The following TMPRSS4 variants were observed in gnomAD, a reference collection of about 807,000 sequenced individuals.
TMPRSS4 encodes the protein transmembrane serine protease 4, also known as transmembrane protease serine 4.
Under a neutral mutation model 56.4 loss-of-function variants are expected in TMPRSS4, and 45 were observed. The ratio of observed to expected loss-of-function variants is 0.80; its 90% confidence interval spans 0.63 to 1.02. The LOEUF is 1.02. TMPRSS4 is among the 50% of genes least tolerant of loss of function. The probability of loss-of-function intolerance (pLI) is 0.00; values close to 1 mark genes in which losing one functional copy is unlikely to be tolerated. For synonymous variants in TMPRSS4, 205 were observed against 211.0 expected (o/e 0.97, Z 0.25); for missense variants, 546 against 556.7 (o/e 0.98, Z 0.19).
intron 1 of TMPRSS4, among the ~76,000 whole-genome samples, chr11:118,082,946 C>A (rs1007303438): frequency 6.6e-6 from 1 of 152,178 alleles, no homozygotes; most frequent in African/African-American, 2.4e-5. Flanking sequence ...TTTAGCTCCA[C>A]TGAAATCAAA....
intron 9 of TMPRSS4, 70 bp from the exon 10 acceptor site, chr11:118,114,759 A>G: frequency 7.1e-7 from 1 of 1,418,248 alleles, no homozygotes; most frequent in Non-Finnish European, 9.7e-7. Flanking sequence ...ATCATAAAGC[A>G]TCATAATTTA....
At chr11:118,085,517 A>G (rs886977055) in intron 1 of TMPRSS4, among the ~76,000 whole-genome samples, 1 of 152,122 alleles carries the variant, frequency 6.6e-6, no homozygotes, top group Non-Finnish European at 1.5e-5. Flanking sequence ...TTAAAGTTTA[A>G]AGGACAACTC....
At chr11:118,090,613 C>CA (rs1945871138) in intron 1 of TMPRSS4, among the ~76,000 whole-genome samples, 9 of 17,016 alleles carry the variant, frequency 5.3e-4, no homozygotes, top group African/African-American at 7.6e-4. Context: ...CTCATCTCTA[C>CA]GAAAAAAAAA....
chr11:118,085,501 TCCCTC>T (rs903925787), intron 1 of TMPRSS4, among the ~76,000 whole-genome samples: 1 of 152,076 alleles, frequency 6.6e-6, no homozygotes, highest in African/African-American at 2.4e-5. Context: ...GCCATTTCCC[TCCCTC>T]TTAAAGTTTA....
chr11:118,105,853 A>G (rs10790233), intron 5 of TMPRSS4: 111,268 of 152,162 alleles, frequency 0.73, 42,033 homozygotes, highest in East Asian at 0.94. Context: ...GATCCCTAAT[A>G]CAGCCTCAAA....
intron 9 of TMPRSS4, 57 bp from the exon 10 acceptor site, chr11:118,114,772 G>A: frequency 6.7e-7 from 1 of 1,491,686 alleles, no homozygotes; most frequent in Non-Finnish European, 9.2e-7. Flanking sequence ...ATAATTTACA[G>A]AAAATTAACA....
chr11:118,100,998 T>G (rs1353808170), intron 3 of TMPRSS4, among the ~76,000 whole-genome samples: 1 of 152,198 alleles, frequency 6.6e-6, no homozygotes. Flanking sequence ...GGAGTGACTC[T>G]GCCTTACCCT....
At chr11:118,112,689 G>A (rs561945723) in intron 8 of TMPRSS4, among the ~76,000 whole-genome samples, 25 of 152,036 alleles carry the variant, frequency 1.6e-4, no homozygotes, top group Middle Eastern at 3.4e-3. Context: ...CAGGGCATCC[G>A]GCTTTTATTT....
chr11:118,112,967 G>A (rs956389348), intron 8 of TMPRSS4, among the ~76,000 whole-genome samples: 2 of 151,912 alleles, frequency 1.3e-5, no homozygotes, highest in African/African-American at 4.8e-5. Flanking sequence ...CAGTGAGAAA[G>A]GTTGGAGGAG....
At chr11:118,085,636 G>A (rs750441534) in intron 1 of TMPRSS4, among the ~76,000 whole-genome samples, 1 of 152,162 alleles carries the variant, frequency 6.6e-6, no homozygotes, top group African/African-American at 2.4e-5. Context: ...CTCAGTTCAG[G>A]TAAATTGCAA....
At chr11:118,108,068 C>T in intron 6 of TMPRSS4, 193 bp downstream of exon 6, 1 of 567,764 alleles carries the variant, frequency 1.8e-6, no homozygotes, top group Non-Finnish European at 3.1e-6. Context: ...TCTGTGTTGA[C>T]TTGTTTTTAA....
intron 1 of TMPRSS4, among the ~76,000 whole-genome samples, chr11:118,082,124 T>C (rs1945181818): frequency 6.6e-6 from 1 of 152,198 alleles, no homozygotes; most frequent in Non-Finnish European, 1.5e-5. Flanking sequence ...AAGAGAATAA[T>C]AGCTACAGCG....
intron 8 of TMPRSS4, 64 bp downstream of exon 8, chr11:118,111,964 G>T (rs1442927686): frequency 2.6e-6 from 4 of 1,564,136 alleles, no homozygotes; most frequent in Non-Finnish European, 2.6e-6. Context: ...GAGAGCTTGG[G>T]GTCCTGTCTC....
intron 2 of TMPRSS4, 33 bp from the exon 3 acceptor site, chr11:118,098,952 T>C (rs1356819098): frequency 1.3e-6 from 2 of 1,563,304 alleles, no homozygotes; most frequent in Non-Finnish European, 1.8e-6. Flanking sequence ...GCTGACTGCA[T>C]GCTCTTCCCC....
intron 1 of TMPRSS4, among the ~76,000 whole-genome samples, chr11:118,082,909 C>T (rs1014707217): frequency 6.6e-6 from 1 of 152,180 alleles, no homozygotes; most frequent in African/African-American, 2.4e-5. Flanking sequence ...CGAGTGGGTT[C>T]CCCAAGCGTA....
intron 11 of TMPRSS4, chr11:118,115,557 C>T (rs572361609): frequency 2.0e-4 from 72 of 356,718 alleles, no homozygotes; most frequent in African/African-American, 1.3e-3. Flanking sequence ...TGGTGGCTCA[C>T]GCTTGTAATC....
Position 118,117,430 on chromosome 11 carries a change from C to T in TMPRSS4, c.1278C>T (p.Leu426=), listed in dbSNP as rs566581897. Residue 426 remains leucine, a synonymous_variant, in exon 12 of 13, where the codon CTC becomes CTT. Coordinates refer to ENST00000437212, the MANE Select transcript of TMPRSS4 (RefSeq NM_019894.4). ...PGVYTKVSAY[L]NWIYNVWKAE... ...TATACACCAAGGTCTCAGCCTATCT[C>T]AACTGGATCTACAATGTCTGGAAGG... 1.9e-6 allele frequency: 3 copies of T among 1,613,898 alleles called. No individual in the cohort carries two copies. In the South Asian group the frequency reaches 3.3e-5, roughly 18 times the overall value.
rs1180742885 is a variant in TMPRSS4 at position 118,119,571 on chromosome 11, C to T, written c.*1658C>T. 6.4e-6 allele frequency: 1 copy of T among 157,368 alleles called. No individual in the cohort carries two copies. The highest frequency in any genetic ancestry group is 1.4e-5 in the Non-Finnish European group (1 of 72,852). 9.7% of individuals were successfully genotyped at this position (157,368 alleles called of 1,614,324 possible). ...AATATTTGCAGAGTATTTGTATGTG[C>T]CAGACACTATTGTAAGTGCTTCATC... On this transcript the variant is annotated 3_prime_UTR_variant, in exon 13 of 13. Coordinates refer to ENST00000437212, the MANE Select transcript of TMPRSS4 (RefSeq NM_019894.4).
intron 7 of TMPRSS4, among the ~76,000 whole-genome samples, chr11:118,109,837 C>T (rs1020546232): frequency 5.9e-5 from 9 of 152,328 alleles, no homozygotes; most frequent in African/African-American, 9.6e-5. Flanking sequence ...CCCCCTACCC[C>T]GGCCCCACAA....
Sources: allele counts gnomAD v4.1 joint callset (sites outside exome capture counted in the v4.1 genomes callset), GRCh38; gene constraint gnomAD v4.1.1; transcripts MANE v1.5; gene names NCBI Gene and HGNC (gene_info 2026-07-23, HGNC 2026-07-21).